OTOGL: variants seen among roughly 807,000 people sequenced by gnomAD.
OTOGL encodes otogelin like.
Under a neutral mutation model 318.5 loss-of-function variants are expected in OTOGL, and 285 were observed. That is an observed-to-expected ratio of 0.89 (90% CI 0.81 to 0.99). The LOEUF is 0.99. Among genes scored for constraint, OTOGL ranks in the 50% least tolerant of loss-of-function variants. The pLI is 0.00. For missense variants in OTOGL, 2,899 were observed against 2,845.6 expected, an observed-to-expected ratio of 1.02 and a Z score of -0.43; for synonymous variants, 987 against 936.5, an observed-to-expected ratio of 1.05 and a Z score of -0.99.
intron 4 of OTOGL, among the ~76,000 whole-genome samples, chr12:80,215,103 C>T (rs1012027168): frequency 2.0e-5 from 3 of 150,562 alleles, no homozygotes; most frequent in Admixed American, 6.6e-5. Flanking sequence ...TTTTATCTTG[C>T]TTGTGTTATC....
At chr12:80,313,394 A>C in intron 30 of OTOGL, 82 bp from the exon 31 acceptor site, 1 of 1,361,084 alleles carries the variant, frequency 7.3e-7, no homozygotes, top group Non-Finnish European at 1.0e-6. Context: ...AAACTTTGAA[A>C]ACACATAGTT....
At chr12:80,253,412 A>G (rs1381631728) in intron 13 of OTOGL, 54 bp from the exon 14 acceptor site, 3 of 1,474,684 alleles carry the variant, frequency 2.0e-6, no homozygotes, top group Non-Finnish European at 2.8e-6. Flanking sequence ...TATTCCAGAA[A>G]TACAATCTTT....
At chr12:80,104,617 G>A (rs574830905) in intron 1 of OTOGL, among the ~76,000 whole-genome samples, 1 of 152,190 alleles carries the variant, frequency 6.6e-6, no homozygotes, top group South Asian at 2.1e-4. Flanking sequence ...AGCATGTCAG[G>A]GGGGTGAGAG....
intron 1 of OTOGL, among the ~76,000 whole-genome samples, chr12:80,100,474 C>A (rs185464603): frequency 2.0e-5 from 3 of 152,014 alleles, no homozygotes; most frequent in African/African-American, 4.8e-5. Context: ...CCATAATAAT[C>A]AAAAATTAAA....
chr12:80,100,514 C>T (rs1869075092), intron 1 of OTOGL, among the ~76,000 whole-genome samples: 1 of 152,090 alleles, frequency 6.6e-6, no homozygotes, highest in South Asian at 2.1e-4. Flanking sequence ...TTATACAAAG[C>T]TTATTAATAG....
At position 80,328,717 on chromosome 12, in the gene OTOGL, AC is replaced by A. The variant is rs1213312289; in HGVS notation, c.4255del (p.Leu1419SerfsTer12). 1.1e-5 allele frequency: 17 copies of A among 1,605,700 alleles called. No homozygotes were observed. Among genetic ancestry groups the A allele is most frequent in the Non-Finnish European group, 1.4e-5 (17 of 1,172,534 alleles). Reference sequence around the variant, plus strand: ...TAAAAATATGATCCTTGATGAGGTCACCCTCAAGTGTGTTTATCCACGAGAC... The same window carrying A: ...TAAAAATATGATCCTTGATGAGGTCACCTCAAGTGTGTTTATCCACGAGAC... ...CPKNMILDEV[T>X]LKCVYPRDCI... On this transcript the variant is annotated frameshift_variant, in exon 36 of 59. Transcript: ENST00000547103. LOFTEE classifies it high-confidence loss of function.
chr12:80,205,691 G>A (rs1216248020), intron 1 of OTOGL, among the ~76,000 whole-genome samples: 2 of 152,206 alleles, frequency 1.3e-5, no homozygotes, highest in African/African-American at 4.8e-5. Context: ...AACTTGAAAT[G>A]TGTTAGGTTT....
chr12:80,195,505 G>A, intron 1 of OTOGL, among the ~76,000 whole-genome samples: 1 of 152,184 alleles, frequency 6.6e-6, no homozygotes, highest in East Asian at 1.9e-4. Flanking sequence ...GGCAGACAAG[G>A]AGTTAAAATA....
intron 1 of OTOGL, among the ~76,000 whole-genome samples, chr12:80,128,623 G>A (rs1487741735): frequency 6.6e-6 from 1 of 152,194 alleles, no homozygotes; most frequent in South Asian, 2.1e-4. Flanking sequence ...GTTTGGCTAT[G>A]CCCTGCCCAC....
At position 80,232,920 on chromosome 12, in the gene OTOGL, A is replaced by T. The variant is rs766932312; in HGVS notation, c.640A>T (p.Ile214Phe). 1 of 1,598,988 alleles carries T rather than the reference A, an allele frequency of 6.3e-7. No individual in the cohort carries two copies. Among genetic ancestry groups the T allele is most frequent in the Non-Finnish European group, 8.5e-7 (1 of 1,179,390 alleles). Reference sequence around the variant, plus strand: ...AACATTGCCTCAGACAATTGGACAGATTTTCATTGAGAAACTAGCTGACTA... The same window carrying T: ...AACATTGCCTCAGACAATTGGACAGTTTTTCATTGAGAAACTAGCTGACTA... The part of the protein sequence containing the change: ...SLTLPQTIGQ[I>F]FIEKLADYIL... The change falls in exon 9 of 59, where the codon ATT (isoleucine) becomes TTT (phenylalanine). Residue 214 changes from isoleucine to phenylalanine, a missense_variant. Around this residue, in one of 3 missense-constraint regions of OTOGL, gnomAD observed 2,607 missense variants for 2,524.9 expected, o/e 1.03. Transcript: ENST00000547103.
In OTOGL at chr12:80,305,780, ATAT is replaced by A. The variant is rs199636571; in HGVS notation, c.3333+90_3333+92del. 1,464 of 1,082,342 alleles carry A rather than the reference ATAT, an allele frequency of 1.4e-3. 9 individuals are homozygous for A. In the African/African-American group the frequency reaches 0.021, roughly 15 times the overall value. The allele number at this position is 1,082,342 out of a possible 1,614,324, so 67.0% of individuals were successfully genotyped here. A position where few individuals can be genotyped will look rare whatever the true frequency, so the allele number is the denominator to read the frequency against. ...AGAACATTTTATTCTTATTTAGGTA[ATAT>A]TATTTTACATACTATTTTCATAGTA... On this transcript the variant is annotated intron_variant, in intron 29 of 58. Coordinates refer to ENST00000547103, the MANE Select transcript of OTOGL (RefSeq NM_001378609.3).
chr12:80,273,895 T>C (rs1220083461), intron 24 of OTOGL, among the ~76,000 whole-genome samples: 1 of 152,076 alleles, frequency 6.6e-6, no homozygotes, highest in African/African-American at 2.4e-5. Flanking sequence ...CTGTAAACAG[T>C]GAACTTTGAT....
intron 1 of OTOGL, among the ~76,000 whole-genome samples, chr12:80,144,344 T>G (rs1455313671): frequency 6.6e-6 from 1 of 151,642 alleles, no homozygotes; most frequent in African/African-American, 2.4e-5. Context: ...CTGAGAATGA[T>G]GATTTCCAAT....
At chr12:80,190,064 G>A (rs904207456) in intron 1 of OTOGL, among the ~76,000 whole-genome samples, 3 of 152,146 alleles carry the variant, frequency 2.0e-5, no homozygotes, top group Non-Finnish European at 4.4e-5. Context: ...TACAGATATT[G>A]CATTTTAATT....
At chr12:80,164,935 A>C (rs1226930923) in intron 1 of OTOGL, among the ~76,000 whole-genome samples, 2 of 152,168 alleles carry the variant, frequency 1.3e-5, no homozygotes, top group African/African-American at 4.8e-5. Flanking sequence ...GGAGGAAAAA[A>C]GGGGAAATTT....
chr12:80,344,334 A>AG (rs1212019960), intron 44 of OTOGL, among the ~76,000 whole-genome samples: 1 of 152,138 alleles, frequency 6.6e-6, no homozygotes, highest in Admixed American at 6.5e-5. Context: ...GCAATACAGG[A>AG]TACCATTTAG....
intron 13 of OTOGL, among the ~76,000 whole-genome samples, chr12:80,252,813 C>G (rs2137505510): frequency 6.6e-6 from 1 of 152,278 alleles, no homozygotes; most frequent in African/African-American, 2.4e-5. Context: ...TCTGTTAGTG[C>G]TACTCAAAGT....
chr12:80,304,498 T>G (rs1046595899), intron 28 of OTOGL, among the ~76,000 whole-genome samples: 1 of 152,304 alleles, frequency 6.6e-6, no homozygotes, highest in South Asian at 2.1e-4. Context: ...CAACAATATC[T>G]TCTCAAAAAT....
chr12:80,368,168 T>C (rs991525880), intron 54 of OTOGL, 37 bp from the exon 55 acceptor site: 2 of 1,391,848 alleles, frequency 1.4e-6, no homozygotes, highest in Non-Finnish European at 2.0e-6. Flanking sequence ...TTAAAAATAT[T>C]GATATGGTGT....
Sources: gnomAD v4.1 joint callset for allele counts (sites outside exome capture counted in the v4.1 genomes callset) on GRCh38, gnomAD v4.1.1 for gene constraint, gnomAD v4.1.1 regional missense constraint, MANE v1.5 for transcripts, NCBI Gene and HGNC (gene_info 2026-07-23, HGNC 2026-07-21) for gene names.